The following PPFIBP2 variants were observed in gnomAD, a reference collection of about 807,000 sequenced individuals.
The protein encoded by PPFIBP2 is PPFIB scaffold protein 2.
A neutral mutation model predicts 118.3 loss-of-function variants in PPFIBP2; 118 were observed. The observed-to-expected ratio is 1.00, with a 90% CI of 0.86 to 1.16. The LOEUF (loss-of-function observed/expected upper bound fraction) is 1.16, where lower values mean the gene tolerates loss of function less well. Ranked by LOEUF, PPFIBP2 falls within the 50% of genes most tolerant of loss-of-function variation. The pLI is 0.00. For missense variants in PPFIBP2, 1,195 were observed against 1,073.1 expected (o/e 1.11, Z -1.59); for synonymous variants, 414 against 397.4 (o/e 1.04, Z -0.50).
downstream of PPFIBP2, chr11:7,653,899 G>C (rs117967393): frequency 5.8e-6 from 5 of 856,786 alleles, no homozygotes; most frequent in East Asian, 2.1e-4. Flanking sequence ...GATTCACCAG[G>C]GGGGTAGAGC....
Position 7,553,583 on chromosome 11 carries a change from G to A in PPFIBP2, c.64+4044G>A, listed in dbSNP as rs113399012. The stretch of plus-strand genomic sequence containing the variant: ...GTTTGAATCCCAGCTCAGCCATTTA[G>A]TGCTGGCTGTGGGATCTTTGGACAA... On this transcript the variant is annotated intron_variant, in intron 2 of 23. Transcript: ENST00000299492. Among the ~76,000 whole-genome samples, 320 of 152,292 alleles carry A rather than the reference G, an allele frequency of 2.1e-3. 1 individual carries two copies. The highest frequency in any genetic ancestry group is 7.5e-3 in the African/African-American group (310 of 41,554).
At chr11:7,586,157 GT>G (rs775805485) in intron 3 of PPFIBP2, among the ~76,000 whole-genome samples, 1 of 152,058 alleles carries the variant, frequency 6.6e-6, no homozygotes, top group East Asian at 1.9e-4. Flanking sequence ...TTTTTGTTTT[GT>G]TTTTTCATTT....
At chr11:7,658,444 A>G (rs1455078521), downstream of PPFIBP2, among the ~76,000 whole-genome samples, 2 of 91,840 alleles carry the variant, frequency 2.2e-5, no homozygotes, top group African/African-American at 9.8e-5. Flanking sequence ...ATGATTTCCA[A>G]TTTCATCCAT....
chr11:7,606,313 G>A (rs1847334007), intron 5 of PPFIBP2, among the ~76,000 whole-genome samples: 1 of 152,234 alleles, frequency 6.6e-6, no homozygotes, highest in South Asian at 2.1e-4. Flanking sequence ...AATTGAGGAT[G>A]TAGGATAAGT....
chr11:7,524,291 C>T (rs893559023), intron 1 of PPFIBP2, among the ~76,000 whole-genome samples: 1 of 152,160 alleles, frequency 6.6e-6, no homozygotes, highest in Non-Finnish European at 1.5e-5. Flanking sequence ...CCTCTATCTT[C>T]AGGGGCAACA....
chr11:7,557,720 T>G (rs567264058), intron 2 of PPFIBP2, among the ~76,000 whole-genome samples: 1 of 152,208 alleles, frequency 6.6e-6, no homozygotes, highest in South Asian at 2.1e-4. Context: ...TTTTGAGCGC[T>G]CTTTTTGAAT....
At chr11:7,664,136 C>T in the PPFIBP2 span, among the ~76,000 whole-genome samples, 12 of 152,146 alleles carry the variant, frequency 7.9e-5, no homozygotes, top group Middle Eastern at 3.4e-3. Context: ...AGCTGTAGAC[C>T]GGAGCTGTTC....
chr11:7,656,742 G>A (rs967689387), downstream of PPFIBP2: 1 of 1,289,780 alleles, frequency 7.8e-7, no homozygotes, highest in Non-Finnish European at 1.0e-6. Flanking sequence ...GCTGAGCCAG[G>A]ACCAGCTGCT....
At chr11:7,631,559 G>A (rs923752971) in intron 11 of PPFIBP2, among the ~76,000 whole-genome samples, 3 of 151,994 alleles carry the variant, frequency 2.0e-5, no homozygotes, top group African/African-American at 7.2e-5. Flanking sequence ...TTAAAATCTG[G>A]TCCTATTGTA....
At chr11:7,644,803 G>A (rs1354195213) in intron 17 of PPFIBP2, among the ~76,000 whole-genome samples, 7 of 151,668 alleles carry the variant, frequency 4.6e-5, no homozygotes, top group African/African-American at 7.3e-5. Flanking sequence ...CGAGGCGGGC[G>A]GATCACGAGG....
At chr11:7,601,441 A>T (rs74051550) in intron 5 of PPFIBP2, among the ~76,000 whole-genome samples, 1 of 152,102 alleles carries the variant, frequency 6.6e-6, no homozygotes, top group Non-Finnish European at 1.5e-5. Flanking sequence ...AGGATGTGGG[A>T]TGGGAAGGGA....
At chr11:7,602,085 CTCA>C (rs1846717595) in intron 5 of PPFIBP2, among the ~76,000 whole-genome samples, 1 of 60,528 alleles carries the variant, frequency 1.7e-5, no homozygotes, top group African/African-American at 9.2e-5. Context: ...AAGAATGAAA[CTCA>C]AAAAAAAAAA....
chr11:7,570,357 TATG>T (rs1855525880), intron 3 of PPFIBP2, among the ~76,000 whole-genome samples: 1 of 152,220 alleles, frequency 6.6e-6, no homozygotes, highest in African/African-American at 2.4e-5. Flanking sequence ...AGAGTCTCCA[TATG>T]AAGTAGCCAT....
chr11:7,549,737 G>T (rs1342300593), intron 2 of PPFIBP2, among the ~76,000 whole-genome samples, 198 bp downstream of exon 2: 1 of 151,168 alleles, frequency 6.6e-6, no homozygotes, highest in East Asian at 1.9e-4. Flanking sequence ...TGTCTGGTGT[G>T]ATCGTTCTGG....
downstream of PPFIBP2, among the ~76,000 whole-genome samples, chr11:7,659,888 G>GT (rs1854854763): frequency 8.6e-6 from 1 of 116,606 alleles, no homozygotes; most frequent in Non-Finnish European, 2.0e-5. Context: ...GGATTCCTAG[G>GT]TATTTTATTC....
At chr11:7,641,176 G>C (rs747720482) in intron 15 of PPFIBP2, 4 of 962,020 alleles carry the variant, frequency 4.2e-6, no homozygotes, top group South Asian at 1.4e-5. Flanking sequence ...CTGCGTTCCT[G>C]CATCTCCCTC....
intron 2 of PPFIBP2, among the ~76,000 whole-genome samples, chr11:7,559,176 G>A (rs1360721478): frequency 6.6e-6 from 1 of 152,186 alleles, no homozygotes. Context: ...AGAAACTTTA[G>A]GCTTGACTGT....
At chr11:7,592,617 C>T (rs997515678) in intron 3 of PPFIBP2, among the ~76,000 whole-genome samples, 4 of 152,198 alleles carry the variant, frequency 2.6e-5, no homozygotes, top group African/African-American at 9.6e-5. Context: ...CTCCATCCTT[C>T]ATGCTCACTG....
At chr11:7,630,704 A>G (rs771551182) in intron 10 of PPFIBP2, among the ~76,000 whole-genome samples, 2 of 150,716 alleles carry the variant, frequency 1.3e-5, no homozygotes, top group African/African-American at 5.0e-5. Flanking sequence ...GCAGGGGTAC[A>G]TTACCTCTGT....
Sources: gnomAD v4.1 joint callset for allele counts (sites outside exome capture counted in the v4.1 genomes callset) on GRCh38, gnomAD v4.1.1 for gene constraint, MANE v1.5 for transcripts, NCBI Gene and HGNC (gene_info 2026-07-23, HGNC 2026-07-21) for gene names.